The following SND1 variants were observed in gnomAD, a reference collection of about 807,000 sequenced individuals.
SND1 encodes staphylococcal nuclease domain-containing protein 1.
SND1 carries 38 observed loss-of-function variants against 121.7 expected under a neutral mutation model. The observed-to-expected ratio is 0.31, with a 90% CI of 0.24 to 0.41. SND1 has a LOEUF of 0.41. Ranked by LOEUF, SND1 falls within the 10% of genes least tolerant of loss-of-function variation. The pLI, the probability that SND1 is intolerant of heterozygous loss-of-function variation, is 1.00. For missense variants in SND1, 868 were observed against 1,184.6 expected, an observed-to-expected ratio of 0.73 and a Z score of 3.92; for synonymous variants, 401 against 447.4, an observed-to-expected ratio of 0.90 and a Z score of 1.31.
chr7:127,952,246 AGG>A (rs1801477962), intron 15 of SND1, among the ~76,000 whole-genome samples: 1 of 152,224 alleles, frequency 6.6e-6, no homozygotes, highest in Non-Finnish European at 1.5e-5. Context: ...ATTGCTTAGC[AGG>A]TTTTGATCTT....
chr7:127,687,969 G>A lies in SND1; in HGVS notation c.228+1207G>A, dbSNP rs544204506. Among the ~76,000 whole-genome samples the A allele has an allele frequency of 5.9e-5, 9 of 152,228 alleles. No individual in the cohort carries two copies. The South Asian group carries it at 1.9e-3, about 32-fold the overall frequency. On this transcript the variant is annotated intron_variant, in intron 2 of 23. Coordinates refer to ENST00000354725, the MANE Select transcript of SND1 (RefSeq NM_014390.4). ...TAAAGTACTGGGATTACAGGTGTGA[G>A]CCACTGCCCCTGGCCTATTCCAGAT...
At chr7:127,810,125 G>A (rs1584589389) in intron 11 of SND1, among the ~76,000 whole-genome samples, 1 of 152,160 alleles carries the variant, frequency 6.6e-6, no homozygotes, top group African/African-American at 2.4e-5. Context: ...TGGTTCTGAG[G>A]TTATGAGAAG....
chr7:127,797,846 AGAGCCT>A (rs1185877221), intron 10 of SND1, among the ~76,000 whole-genome samples: 9 of 152,200 alleles, frequency 5.9e-5, no homozygotes. Context: ...GGGAGCCCCT[AGAGCCT>A]TTAAGCTATT....
intron 16 of SND1, among the ~76,000 whole-genome samples, chr7:128,032,614 T>C (rs1159054103): frequency 6.6e-6 from 1 of 151,956 alleles, no homozygotes; most frequent in East Asian, 2.0e-4. Context: ...GCGGGGCTGC[T>C]GCATTTGGCC....
At chr7:127,914,844 C>T (rs574674205) in intron 14 of SND1, among the ~76,000 whole-genome samples, 6 of 152,186 alleles carry the variant, frequency 3.9e-5, no homozygotes, top group Non-Finnish European at 5.9e-5. Flanking sequence ...ATTACCTTGA[C>T]GCCTTGGGGA....
chr7:127,979,451 C>T (rs1478246629), intron 15 of SND1, among the ~76,000 whole-genome samples: 1 of 152,140 alleles, frequency 6.6e-6, no homozygotes, highest in Non-Finnish European at 1.5e-5. Flanking sequence ...CTGATTGGCT[C>T]TTTTAAAGAG....
At chr7:128,061,139 T>C (rs913510459) in intron 16 of SND1, among the ~76,000 whole-genome samples, 1 of 152,188 alleles carries the variant, frequency 6.6e-6, no homozygotes, top group Non-Finnish European at 1.5e-5. Flanking sequence ...CTGCATCCTA[T>C]GACCTTGTTA....
intron 2 of SND1, among the ~76,000 whole-genome samples, chr7:127,689,932 A>G (rs1198288147): frequency 1.3e-5 from 1 of 78,390 alleles, no homozygotes; most frequent in Non-Finnish European, 2.3e-5. Context: ...TGACTCCCCC[A>G]CCCCCCACCC....
At position 128,091,819 on chromosome 7, in the gene SND1, C is replaced by T; in HGVS notation, c.2623-18C>T. The T allele has an allele frequency of 6.2e-7, 1 of 1,614,092 alleles. No homozygotes were observed. Among genetic ancestry groups the T allele is most frequent in the Non-Finnish European group, 8.5e-7 (1 of 1,179,990 alleles). ...GAGGGCAACTCTGACCACTCCCTTTCTTCTCTCGTCCCTCCAGATCACAGA... is the reference window on the plus strand; with the variant it reads ...GAGGGCAACTCTGACCACTCCCTTTTTTCTCTCGTCCCTCCAGATCACAGA... On this transcript the variant is annotated intron_variant, in intron 22 of 23. Transcript: ENST00000354725.
intron 17 of SND1, among the ~76,000 whole-genome samples, chr7:128,076,905 G>C (rs1020763453): frequency 6.6e-6 from 1 of 152,168 alleles, no homozygotes; most frequent in African/African-American, 2.4e-5. Flanking sequence ...TCCTCCCTGT[G>C]CCCTGTGGAT....
At chr7:128,053,808 T>TA (rs1279546406) in intron 16 of SND1, among the ~76,000 whole-genome samples, 1 of 152,140 alleles carries the variant, frequency 6.6e-6, no homozygotes, top group Non-Finnish European at 1.5e-5. Context: ...TCCCTGGAGA[T>TA]ACACTAGCCA....
intron 12 of SND1, among the ~76,000 whole-genome samples, chr7:127,865,862 T>C (rs1799462322): frequency 6.6e-6 from 1 of 151,964 alleles, no homozygotes; most frequent in Non-Finnish European, 1.5e-5. Context: ...TTTTGTTAAA[T>C]CATAACTTCA....
At chr7:127,661,555 A>G (rs1055023482) in intron 1 of SND1, among the ~76,000 whole-genome samples, 15 of 152,264 alleles carry the variant, frequency 9.9e-5, no homozygotes, top group Middle Eastern at 6.8e-3. Flanking sequence ...GATCTACTCA[A>G]TGGTCTTAGT....
At chr7:127,756,124 C>T (rs1348269941) in intron 10 of SND1, among the ~76,000 whole-genome samples, 1 of 152,198 alleles carries the variant, frequency 6.6e-6, no homozygotes, top group African/African-American at 2.4e-5. Flanking sequence ...AGTAGATAAA[C>T]TTTTGGTTGT....
At chr7:127,909,446 T>C (rs1043445164) in intron 14 of SND1, among the ~76,000 whole-genome samples, 1 of 151,668 alleles carries the variant, frequency 6.6e-6, no homozygotes, top group Non-Finnish European at 1.5e-5. Context: ...ACGTAGTATT[T>C]CTGATTTTTT....
intron 12 of SND1, among the ~76,000 whole-genome samples, chr7:127,886,012 A>G (rs1422400459): frequency 6.6e-6 from 1 of 152,052 alleles, no homozygotes; most frequent in Non-Finnish European, 1.5e-5. Context: ...CCATGTATCA[A>G]CATCTACATC....
chr7:127,706,184 C>T (rs1198187154), intron 8 of SND1, among the ~76,000 whole-genome samples: 1 of 151,808 alleles, frequency 6.6e-6, no homozygotes, highest in African/African-American at 2.4e-5. Context: ...TTCAGAGAAT[C>T]CTGTTATGTT....
chr7:127,869,728 A>G (rs544042279), intron 12 of SND1, among the ~76,000 whole-genome samples: 41 of 152,296 alleles, frequency 2.7e-4, no homozygotes, highest in African/African-American at 8.7e-4. Context: ...ATGCCATTTT[A>G]TCAACTGTCG....
At chr7:127,800,735 T>A (rs1798111793) in intron 10 of SND1, among the ~76,000 whole-genome samples, 2 of 152,236 alleles carry the variant, frequency 1.3e-5, no homozygotes, top group African/African-American at 4.8e-5. Flanking sequence ...TTTTTACTGT[T>A]GTGTATTACA....
Sources: gnomAD v4.1 joint callset for allele counts (sites outside exome capture counted in the v4.1 genomes callset) on GRCh38, gnomAD v4.1.1 for gene constraint, MANE v1.5 for transcripts, NCBI Gene and HGNC (gene_info 2026-07-23, HGNC 2026-07-21) for gene names.